Variants in NUP214 observed in about 807,000 individuals in gnomAD.
NUP214 encodes nuclear pore complex protein Nup214.
In NUP214, 79 loss-of-function variants were observed where a neutral mutation model predicts 196.2. The ratio of observed to expected loss-of-function variants is 0.40; its 90% CI spans 0.34 to 0.49. The LOEUF (loss-of-function observed/expected upper bound fraction) is 0.49, where lower values mean the gene tolerates loss of function less well. NUP214 is among the 20% of genes least tolerant of loss of function. The probability of loss-of-function intolerance (pLI) is 0.58; values close to 1 mark genes in which losing one functional copy is unlikely to be tolerated. For missense variants in NUP214, 2,468 were observed against 2,539.0 expected (o/e 0.97, Z 0.60); for synonymous variants, 1,020 against 990.5 (o/e 1.03, Z -0.56).
At chr9:131,210,620 C>T (rs1413445471) in intron 30 of NUP214, among the ~76,000 whole-genome samples, 1 of 151,258 alleles carries the variant, frequency 6.6e-6, no homozygotes, top group African/African-American at 2.4e-5. Flanking sequence ...GAGCGAGACT[C>T]CATCTCAAAA....
chr9:131,233,770 C>T lies in NUP214; in HGVS notation c.*283C>T. On this transcript the variant is annotated 3_prime_UTR_variant, in exon 36 of 36. Coordinates refer to ENST00000359428, the MANE Select transcript of NUP214 (RefSeq NM_005085.4). ...GCCCCGTTTCTGTGGCTCTGAGAAG[C>T]CAGCAGAGCCTCCATCAGCCAGAAC... The T allele has an allele frequency of 2.1e-6, 1 of 474,594 alleles. No individual in the cohort carries two copies. The highest frequency in any genetic ancestry group is 2.0e-5 in the South Asian group (1 of 49,448). The allele number at this position is 474,594 out of a possible 1,614,324, so 29.4% of individuals were successfully genotyped here. A position where few individuals can be genotyped will look rare whatever the true frequency, so the allele number is the denominator to read the frequency against.
chr9:131,185,220 TGGAA>T (rs1374653639), intron 24 of NUP214, among the ~76,000 whole-genome samples: 49 of 152,364 alleles, frequency 3.2e-4, no homozygotes, highest in African/African-American at 1.2e-3. Flanking sequence ...TACACATCCA[TGGAA>T]CATGTGTGCA....
intron 32 of NUP214, among the ~76,000 whole-genome samples, chr9:131,227,289 G>A (rs1461481461): frequency 6.6e-6 from 1 of 152,228 alleles, no homozygotes; most frequent in Non-Finnish European, 1.5e-5. Flanking sequence ...CACCTGTGTG[G>A]TGCTGCCCTC....
chr9:131,145,713 A>G (rs571439705), intron 12 of NUP214, among the ~76,000 whole-genome samples: 47 of 151,552 alleles, frequency 3.1e-4, no homozygotes, highest in Middle Eastern at 3.4e-3. Context: ...TTCCTTTTTC[A>G]CTCCCCAGAG....
intron 23 of NUP214, among the ~76,000 whole-genome samples, chr9:131,177,940 G>C (rs1376102961): frequency 6.6e-6 from 1 of 152,194 alleles, no homozygotes; most frequent in Admixed American, 6.5e-5. Context: ...GAAAGACAGT[G>C]AATGAGTGGC....
At position 131,130,852 on chromosome 9, in the gene NUP214, G is replaced by C; in HGVS notation, c.663+16G>C. 1 of 1,610,936 alleles carries C rather than the reference G, an allele frequency of 6.2e-7. No homozygotes were observed. The highest frequency in any genetic ancestry group is 8.5e-7 in the Non-Finnish European group (1 of 1,177,686). The stretch of plus-strand genomic sequence containing the variant: ...GTATCTTCCTGTAAGTTCTTATCTT[G>C]AACTTCAGAATTTTTCTTAAGTTGC... On this transcript the variant is annotated intron_variant, in intron 5 of 35. Coordinates refer to ENST00000359428, the MANE Select transcript of NUP214 (RefSeq NM_005085.4).
At chr9:131,176,269 T>G (rs982177460) in intron 23 of NUP214, among the ~76,000 whole-genome samples, 1 of 152,144 alleles carries the variant, frequency 6.6e-6, no homozygotes, top group Admixed American at 6.6e-5. Flanking sequence ...ACTCTAACCC[T>G]CTGCTCTTTT....
At chr9:131,199,582 C>G (rs957862193) in intron 29 of NUP214, among the ~76,000 whole-genome samples, 3 of 152,212 alleles carry the variant, frequency 2.0e-5, no homozygotes, top group African/African-American at 7.2e-5. Flanking sequence ...GTAAAAACTA[C>G]AGTTTACTGT....
intron 24 of NUP214, among the ~76,000 whole-genome samples, chr9:131,185,146 A>G (rs1239482554): frequency 6.6e-6 from 1 of 152,254 alleles, no homozygotes; most frequent in Admixed American, 6.5e-5. Flanking sequence ...TGGAGGGATC[A>G]ATAGCAAAGG....
intron 28 of NUP214, chr9:131,195,653 T>C (rs1254467665): frequency 1.1e-5 from 2 of 186,480 alleles, no homozygotes; most frequent in East Asian, 3.0e-4. Context: ...ATAGATAGAC[T>C]GTAGAAATGA....
rs367978188 is a variant in NUP214 at position 131,152,057 on chromosome 9, A to ACAGTACACT, written c.2436+164_2436+172dup. Among the ~76,000 whole-genome samples the ACAGTACACT allele has an allele frequency of 1.6e-4, 24 of 152,342 alleles. No individual in the cohort carries two copies. In the Middle Eastern group the frequency reaches 0.01, roughly 65 times the overall value. On this transcript the variant is annotated intron_variant, in intron 17 of 35. Transcript: ENST00000359428. Reference sequence around the variant, plus strand: ...CCGTAAACTTCCTTAACTGTGGCAAACAGTACACTTCATGTAATTATGTAA... The same window carrying ACAGTACACT: ...CCGTAAACTTCCTTAACTGTGGCAAACAGTACACTCAGTACACTTCATGTAATTATGTAA...
At chr9:131,184,857 G>C (rs1328599426) in intron 24 of NUP214, among the ~76,000 whole-genome samples, 1 of 152,186 alleles carries the variant, frequency 6.6e-6, no homozygotes, top group Non-Finnish European at 1.5e-5. Context: ...AAACGCCCAA[G>C]AATTGAATAT....
rs1831331149 is a variant in NUP214 at position 131,125,851 on chromosome 9, T to TG, written c.45+103dup. On this transcript the variant is annotated intron_variant, in intron 1 of 35. Coordinates refer to ENST00000359428, the MANE Select transcript of NUP214 (RefSeq NM_005085.4). This position sits in a 1 kb window ranked among gnomAD's most constrained non-coding sequence, Gnocchi z 4.1. Reference sequence around the variant, plus strand: ...GGTGCTGGCTGTCCCGCCTCCTGCTTGAACAGTTTACCGCGTTCACAGCTC... The same window carrying TG: ...GGTGCTGGCTGTCCCGCCTCCTGCTTGGAACAGTTTACCGCGTTCACAGCTC... 5.1e-6 allele frequency: 7 copies of TG among 1,371,212 alleles called. No individual in the cohort carries two copies. Among genetic ancestry groups the TG allele is most frequent in the Admixed American group, 4.5e-5 (2 of 44,002 alleles). The allele number at this position is 1,371,212 out of a possible 1,614,324, so 84.9% of individuals were successfully genotyped here.
Position 131,132,120 on chromosome 9 carries a change from T to TC in NUP214, c.664-476_664-475insC, listed in dbSNP as rs1444001084. On this transcript the variant is annotated intron_variant, in intron 5 of 35. Transcript: ENST00000359428. ...TCATGCGTTTCTTTTCTTTTCTTTC[T>TC]TTTTTTTTTTTTTTTGGAGACCAAG... 1.5e-4 allele frequency among the ~76,000 whole-genome samples: 12 copies of TC among 81,658 alleles called. No homozygotes were observed. In the East Asian group the frequency reaches 5.8e-3, roughly 40 times the overall value. 53.6% of individuals were successfully genotyped at this position (81,658 alleles called of 152,430 possible). A position where few individuals can be genotyped will look rare whatever the true frequency, so the allele number is the denominator to read the frequency against.
At chr9:131,130,881 CT>C (rs1171097643) in intron 5 of NUP214, 45 bp downstream of exon 5, 2 of 1,512,576 alleles carry the variant, frequency 1.3e-6, no homozygotes, top group South Asian at 1.1e-5. Context: ...AAGTTGCCCA[CT>C]TTTTTGGGGG....
rs1831423427 is a variant in NUP214 at position 131,128,240 on chromosome 9, T to C, written c.242-92T>C. On this transcript the variant is annotated intron_variant, in intron 2 of 35. Transcript: ENST00000359428. ...TGGGGTGTATGTGTGTTTATGTAGA[T>C]GCAAAAATTTTTTCACATCGAACTG... 4 of 1,223,540 alleles carry C rather than the reference T, an allele frequency of 3.3e-6. No homozygotes were observed. In the Admixed American group the frequency reaches 9.7e-5, roughly 30 times the overall value. 75.8% of individuals were successfully genotyped at this position (1,223,540 alleles called of 1,614,324 possible).
intron 21 of NUP214, among the ~76,000 whole-genome samples, chr9:131,171,823 A>G (rs921051784): frequency 7.9e-5 from 12 of 152,132 alleles, no homozygotes; most frequent in Admixed American, 3.3e-4. Flanking sequence ...TTGTCCTTGC[A>G]ATATTTTACT....
At chr9:131,192,051 T>G in intron 26 of NUP214, 157 bp from the exon 27 acceptor site, 1 of 492,388 alleles carries the variant, frequency 2.0e-6, no homozygotes, top group South Asian at 3.8e-5. Flanking sequence ...GGCAACGTGC[T>G]CACTCCCCAT....
chr9:131,187,435 C>T lies in NUP214; in HGVS notation c.3495+71C>T, dbSNP rs1833486201. The T allele has an allele frequency of 6.8e-6, 8 of 1,176,116 alleles. No homozygotes were observed. The South Asian group carries it at 9.0e-5, about 13-fold the overall frequency. 72.9% of individuals were successfully genotyped at this position (1,176,116 alleles called of 1,614,324 possible). A position where few individuals can be genotyped will look rare whatever the true frequency, so the allele number is the denominator to read the frequency against. ...AGAGTCTTACTCTGTCGCCCAGGCTCAAGTGCAGTGGTGCGATCTTGGCTC... is the reference window on the plus strand; with the variant it reads ...AGAGTCTTACTCTGTCGCCCAGGCTTAAGTGCAGTGGTGCGATCTTGGCTC... On this transcript the variant is annotated intron_variant, in intron 25 of 35. Coordinates refer to ENST00000359428, the MANE Select transcript of NUP214 (RefSeq NM_005085.4).
Sources: allele counts gnomAD v4.1 joint callset (sites outside exome capture counted in the v4.1 genomes callset), GRCh38; gene constraint gnomAD v4.1.1; non-coding constraint Gnocchi (gnomAD v3.1); transcripts MANE v1.5; gene names NCBI Gene and HGNC (gene_info 2026-07-23, HGNC 2026-07-21).